ANO1: variants seen among roughly 807,000 people sequenced by gnomAD.
ANO1 encodes the protein anoctamin 1, also known as anoctamin-1.
A neutral mutation model predicts 124.0 loss-of-function variants in ANO1; 59 were observed. That is an observed-to-expected ratio of 0.48 (90% confidence interval 0.39 to 0.59). ANO1 has a LOEUF of 0.59. Among genes scored for constraint, ANO1 ranks in the 20% least tolerant of loss-of-function variants. ANO1 has a pLI of 0.00. For missense variants in ANO1, 1,059 were observed against 1,328.0 expected (o/e 0.80, Z 3.15); for synonymous variants, 529 against 532.0 (o/e 0.99, Z 0.08).
intron 1 of ANO1, chr11:70,015,799 C>G (rs192301987): frequency 6.6e-6 from 1 of 152,360 alleles, no homozygotes; most frequent in East Asian, 1.9e-4. Context: ...TCCTGCAGCC[C>G]CACAAGGGAC....
chr11:70,016,245 C>T (rs1311852805), intron 1 of ANO1, among the ~76,000 whole-genome samples: 1 of 152,128 alleles, frequency 6.6e-6, no homozygotes, highest in Non-Finnish European at 1.5e-5. Flanking sequence ...CCAGGCTGGT[C>T]TCAAACTGCT....
intron 1 of ANO1, among the ~76,000 whole-genome samples, chr11:70,024,356 G>A (rs1856855201): frequency 6.6e-6 from 1 of 152,210 alleles, no homozygotes; most frequent in African/African-American, 2.4e-5. Context: ...CTGAAAGGGG[G>A]CAGTGGTGTT....
chr11:70,055,835 A>G (rs1478682123), intron 1 of ANO1, among the ~76,000 whole-genome samples: 2 of 151,866 alleles, frequency 1.3e-5, no homozygotes, highest in East Asian at 1.9e-4. Flanking sequence ...TTTCTTTATT[A>G]TTGTTCAATT....
intron 2 of ANO1, among the ~76,000 whole-genome samples, chr11:70,093,206 TC>T (rs201629173): frequency 0.014 from 2,035 of 146,726 alleles, 68 homozygotes; most frequent in African/African-American, 0.05. Context: ...TCTCCTTTCT[TC>T]CCCCTCTCTC....
intron 1 of ANO1, among the ~76,000 whole-genome samples, chr11:70,038,009 A>G (rs1233899195): frequency 1.3e-5 from 2 of 152,192 alleles, no homozygotes; most frequent in Non-Finnish European, 2.9e-5. Context: ...TGTCGTGGCC[A>G]GTCGCAGTGG....
chr11:70,188,066 G>A lies in ANO1; in HGVS notation c.*62G>A. 6.6e-7 allele frequency: 1 copy of A among 1,506,144 alleles called. No individual in the cohort carries two copies. The highest frequency in any genetic ancestry group is 2.1e-5 in the Admixed American group (1 of 47,922). 93.3% of individuals were successfully genotyped at this position (1,506,144 alleles called of 1,614,324 possible). ...CTGACCGATGGGCACCCTCTCCCAG[G>A]GCAGGCGGCTTCCCGCTCCCACCAG... On this transcript the variant is annotated 3_prime_UTR_variant, in exon 26 of 26. Transcript: ENST00000355303.
At chr11:70,105,838 G>A (rs2045509783) in intron 5 of ANO1, 50 bp downstream of exon 5, 2 of 1,563,826 alleles carry the variant, frequency 1.3e-6, no homozygotes, top group Admixed American at 1.7e-5. Context: ...ATGGCCCTGG[G>A]GATCCAGATG....
intron 1 of ANO1, among the ~76,000 whole-genome samples, chr11:70,070,971 A>G (rs1486119410): frequency 6.6e-6 from 1 of 152,132 alleles, no homozygotes; most frequent in Non-Finnish European, 1.5e-5. Context: ...CTCTTACCCA[A>G]CCGCATCGCT....
At chr11:70,075,142 G>A (rs1275602542), upstream of ANO1, 3 of 152,232 alleles carry the variant, frequency 2.0e-5, no homozygotes, top group African/African-American at 7.2e-5. Flanking sequence ...CCTTTGTAAA[G>A]TTTGGTTTGT....
At chr11:70,074,728 C>A (rs2044035923), upstream of ANO1, among the ~76,000 whole-genome samples, 1 of 152,214 alleles carries the variant, frequency 6.6e-6, no homozygotes, top group Non-Finnish European at 1.5e-5. Context: ...AGTTGTCACA[C>A]TGGGGCTGGA....
chr11:70,014,289 ACG>A (rs1856659993), intron 1 of ANO1, among the ~76,000 whole-genome samples: 1 of 100,786 alleles, frequency 9.9e-6, no homozygotes, highest in Non-Finnish European at 1.9e-5. Context: ...ACCAAGGACA[ACG>A]TGCAGGAGCT....
chr11:70,105,662 C>A, intron 4 of ANO1, 72 bp from the exon 5 acceptor site: 1 of 1,437,732 alleles, frequency 7.0e-7, no homozygotes. Context: ...TGTGGTTTCC[C>A]AGGGCCTTGA....
intron 7 of ANO1, among the ~76,000 whole-genome samples, chr11:70,114,515 G>A (rs1180347729): frequency 1.3e-5 from 2 of 152,126 alleles, no homozygotes; most frequent in African/African-American, 4.8e-5. Context: ...TTACATTTTT[G>A]CTTCCATCTT....
intron 10 of ANO1, among the ~76,000 whole-genome samples, chr11:70,129,085 C>T (rs1010859570): frequency 1.3e-5 from 2 of 152,210 alleles, no homozygotes; most frequent in African/African-American, 4.8e-5. Context: ...ACGTCCTGCC[C>T]CCAACCCCCC....
At chr11:70,186,334 A>C (rs541262459) in intron 25 of ANO1, among the ~76,000 whole-genome samples, 1 of 103,062 alleles carries the variant, frequency 9.7e-6, no homozygotes, top group African/African-American at 4.9e-5. Context: ...GAGGAGGAGG[A>C]GGACGAGGAG....
At chr11:70,185,197 C>T (rs1369501894) in intron 24 of ANO1, among the ~76,000 whole-genome samples, 1 of 152,200 alleles carries the variant, frequency 6.6e-6, no homozygotes, top group African/African-American at 2.4e-5. Flanking sequence ...AGGCTCTGCA[C>T]TCTTGGGGCC....
intron 12 of ANO1, among the ~76,000 whole-genome samples, chr11:70,151,017 C>A (rs1245395886): frequency 1.3e-5 from 2 of 152,212 alleles, no homozygotes; most frequent in Non-Finnish European, 2.9e-5. Flanking sequence ...CACAGCAGCT[C>A]ACAGGGTATA....
chr11:70,161,069 T>G, intron 16 of ANO1, 92 bp from the exon 17 acceptor site: 1 of 1,210,782 alleles, frequency 8.3e-7, no homozygotes, highest in Admixed American at 2.5e-5. Context: ...GCGGGAAGGT[T>G]GGGGGACAGC....
At position 70,185,589 on chromosome 11, in the gene ANO1, G is replaced by T; in HGVS notation, c.2589-1G>T. On this transcript the variant is annotated splice_acceptor_variant, in intron 24 of 25. Transcript: ENST00000355303. LOFTEE classifies it high-confidence loss of function. ...CTCGACTCCACCACGGTCTTTTGCA[G>T]GTATAAAGACTACCGAGAGCCGCCG... The T allele has an allele frequency of 6.2e-7, 1 of 1,613,548 alleles. No homozygotes were observed. Among genetic ancestry groups the T allele is most frequent in the South Asian group, 1.1e-5 (1 of 91,074 alleles).
Sources: gnomAD v4.1 joint callset for allele counts (sites outside exome capture counted in the v4.1 genomes callset) on GRCh38, gnomAD v4.1.1 for gene constraint, MANE v1.5 for transcripts, NCBI Gene and HGNC (gene_info 2026-07-23, HGNC 2026-07-21) for gene names.